The following EPHA6 variants were observed in gnomAD, a reference collection of about 807,000 sequenced individuals.
The protein encoded by EPHA6 is ephrin type-A receptor 6.
A neutral mutation model predicts 112.0 loss-of-function variants in EPHA6; 50 were observed. The observed-to-expected ratio is 0.45, with a 90% CI of 0.36 to 0.56. The LOEUF is 0.56. EPHA6 is among the 20% of genes least tolerant of loss of function. EPHA6 has a pLI of 0.00. For synonymous variants in EPHA6, 529 were observed against 490.7 expected (o/e 1.08, Z -1.03); for missense variants, 1,280 against 1,417.4 (o/e 0.90, Z 1.56).
rs2034490566 is a variant in EPHA6 at position 97,720,731 on chromosome 3, A to G, written c.2934+321A>G. ...TAAGACAAAAGAAAGAGTAATGTTT[A>G]CTTTTCGTTTCTTCCTTAGGGCAAT... On this transcript the variant is annotated intron_variant, in intron 15 of 17. Transcript: ENST00000389672. Among the ~76,000 whole-genome samples the G allele has an allele frequency of 2.0e-5, 3 of 152,194 alleles. No homozygotes were observed. In the South Asian group the frequency reaches 6.2e-4, roughly 32 times the overall value.
intron 12 of EPHA6, among the ~76,000 whole-genome samples, chr3:97,598,281 A>ATTT (rs2093611387): frequency 6.6e-6 from 1 of 151,470 alleles, no homozygotes; most frequent in African/African-American, 2.4e-5. Context: ...TTTTATTATT[A>ATTT]TACTTTAAGT....
At chr3:97,466,490 A>G (rs1174570199) in intron 7 of EPHA6, 2 of 1,304,410 alleles carry the variant, frequency 1.5e-6, no homozygotes, top group East Asian at 4.6e-5. Flanking sequence ...CAGGTAACTG[A>G]AAAGTCAAAG....
At chr3:97,420,426 A>G (rs2088523434) in intron 6 of EPHA6, among the ~76,000 whole-genome samples, 1 of 152,152 alleles carries the variant, frequency 6.6e-6, no homozygotes, top group South Asian at 2.1e-4. Flanking sequence ...AAATTTATGT[A>G]AATTACATGT....
At chr3:96,882,766 GTGTA>G (rs1439000012) in intron 2 of EPHA6, among the ~76,000 whole-genome samples, 6 of 127,482 alleles carry the variant, frequency 4.7e-5, no homozygotes, top group African/African-American at 1.5e-4. Context: ...GTGTGTGTGT[GTGTA>G]TAGTCAATCA....
chr3:97,071,075 T>C (rs544545927), intron 3 of EPHA6, among the ~76,000 whole-genome samples: 7 of 152,184 alleles, frequency 4.6e-5, no homozygotes, highest in African/African-American at 1.7e-4. Context: ...CTAGATCCTT[T>C]GTTTGTCAGT....
chr3:97,597,369 A>G (rs1395823533), intron 12 of EPHA6, among the ~76,000 whole-genome samples: 1 of 152,180 alleles, frequency 6.6e-6, no homozygotes, highest in African/African-American at 2.4e-5. Flanking sequence ...GCTCTGAATC[A>G]AATAACAGGA....
intron 2 of EPHA6, among the ~76,000 whole-genome samples, chr3:96,967,443 TTC>T (rs1434783611): frequency 1.3e-5 from 2 of 151,838 alleles, no homozygotes; most frequent in African/African-American, 2.4e-5. Context: ...CTGTATGATA[TTC>T]TGTCATTTCA....
At chr3:97,010,657 TA>T (rs2107940595) in intron 3 of EPHA6, among the ~76,000 whole-genome samples, 1 of 151,944 alleles carries the variant, frequency 6.6e-6, no homozygotes, top group East Asian at 1.9e-4. Flanking sequence ...AAATTATTTT[TA>T]TTTATTTATT....
rs2075717453 is a variant in EPHA6 at position 97,134,417 on chromosome 3, T to C, written c.1115-91847T>C. ...ATTTGGAAGTAATTGATTTTATAAG[T>C]GTTTTGGCTACTGGTGTATGTGCAA... On this transcript the variant is annotated intron_variant, in intron 3 of 17. Coordinates refer to ENST00000389672, the MANE Select transcript of EPHA6 (RefSeq NM_001080448.3). Among the ~76,000 whole-genome samples, 3 of 152,144 alleles carry C rather than the reference T, an allele frequency of 2.0e-5. No individual in the cohort carries two copies. In the South Asian group the frequency reaches 6.2e-4, roughly 31 times the overall value.
intron 2 of EPHA6, among the ~76,000 whole-genome samples, chr3:96,894,049 A>C (rs2038127463): frequency 6.6e-6 from 1 of 152,206 alleles, no homozygotes; most frequent in South Asian, 2.1e-4. Flanking sequence ...TTCATCCAAA[A>C]TGAGGTCAAG....
intron 5 of EPHA6, among the ~76,000 whole-genome samples, chr3:97,303,296 CA>C (rs1397862530): frequency 1.3e-5 from 2 of 150,918 alleles, no homozygotes; most frequent in East Asian, 1.9e-4. Flanking sequence ...AATATAAGGA[CA>C]AAAAAAATAA....
At chr3:97,334,093 C>T (rs1054860340) in intron 5 of EPHA6, among the ~76,000 whole-genome samples, 20 of 151,938 alleles carry the variant, frequency 1.3e-4, no homozygotes, top group Admixed American at 1.1e-3. Flanking sequence ...TTGATATAGT[C>T]GGTTATAGTG....
At chr3:96,823,189 G>T (rs1576056655) in intron 1 of EPHA6, among the ~76,000 whole-genome samples, 1 of 151,614 alleles carries the variant, frequency 6.6e-6, no homozygotes, top group African/African-American at 2.4e-5. Flanking sequence ...AATTAAATGA[G>T]TAAATAGAGA....
At chr3:97,362,559 A>C (rs1577094882) in intron 5 of EPHA6, among the ~76,000 whole-genome samples, 1 of 152,212 alleles carries the variant, frequency 6.6e-6, no homozygotes, top group East Asian at 1.9e-4. Context: ...GGCTACTGAG[A>C]GAAAGTGTAA....
At chr3:97,416,000 C>T (rs1248723617) in intron 6 of EPHA6, among the ~76,000 whole-genome samples, 3 of 151,898 alleles carry the variant, frequency 2.0e-5, no homozygotes, top group South Asian at 2.1e-4. Context: ...TTCTCCATTT[C>T]GCCTAATTGT....
At chr3:96,922,598 TATG>T (rs1397901983) in intron 2 of EPHA6, among the ~76,000 whole-genome samples, 1 of 152,232 alleles carries the variant, frequency 6.6e-6, no homozygotes, top group Non-Finnish European at 1.5e-5. Flanking sequence ...GATAAAAATG[TATG>T]ATATTTGTAA....
chr3:97,056,649 T>C (rs753923969), intron 3 of EPHA6, among the ~76,000 whole-genome samples: 1 of 152,168 alleles, frequency 6.6e-6, no homozygotes, highest in Non-Finnish European at 1.5e-5. Flanking sequence ...GACCCAGACT[T>C]CACAGAGCCC....
rs541108840 is a variant in EPHA6, at chr3:97,073,385, T to A, written c.1114+85392T>A. On this transcript the variant is annotated intron_variant, in intron 3 of 17. Coordinates refer to ENST00000389672, the MANE Select transcript of EPHA6 (RefSeq NM_001080448.3). ...TTATATAATATGAATAAATATAACCTAAAGCAAGTGAGCCAAGAGAGACAG... is the reference window on the plus strand; with the variant it reads ...TTATATAATATGAATAAATATAACCAAAAGCAAGTGAGCCAAGAGAGACAG... Among the ~76,000 whole-genome samples the A allele has an allele frequency of 7.2e-5, 11 of 152,210 alleles. No homozygotes were observed. The South Asian group carries it at 2.3e-3, about 32-fold the overall frequency.
chr3:97,610,138 T>C (rs2093707777), intron 12 of EPHA6, among the ~76,000 whole-genome samples: 1 of 151,582 alleles, frequency 6.6e-6, no homozygotes, highest in African/African-American at 2.4e-5. Context: ...TCAGAGTTAC[T>C]TATTTTTCAT....
Sources: allele counts gnomAD v4.1 joint callset (sites outside exome capture counted in the v4.1 genomes callset), GRCh38; gene constraint gnomAD v4.1.1; transcripts MANE v1.5; gene names NCBI Gene and HGNC (gene_info 2026-07-23, HGNC 2026-07-21).